ATP5F1A: variants seen among roughly 807,000 people sequenced by gnomAD.
ATP5F1A encodes the protein ATP synthase F(1) complex subunit alpha, mitochondrial.
Under a neutral mutation model 57.4 loss-of-function variants are expected in ATP5F1A, and 24 were observed. That is an observed-to-expected ratio of 0.42 (90% confidence interval 0.30 to 0.59). ATP5F1A has a LOEUF of 0.59. ATP5F1A is among the 20% of genes least tolerant of loss of function. The pLI is 0.19. For synonymous variants in ATP5F1A, 251 were observed against 255.5 expected (o/e 0.98, Z 0.17); for missense variants, 494 against 707.9 (o/e 0.70, Z 3.43).
intron 2 of ATP5F1A, among the ~76,000 whole-genome samples, chr18:46,093,879 G>A (rs192574190): frequency 1.3e-4 from 20 of 152,090 alleles, no homozygotes; most frequent in Admixed American, 1.3e-3. Flanking sequence ...GGCCAAGGCA[G>A]GTGGATCACC....
chr18:46,086,329 T>C (rs1910094210), intron 9 of ATP5F1A, 58 bp downstream of exon 9: 1 of 812,600 alleles, frequency 1.2e-6, no homozygotes, highest in African/African-American at 1.5e-5. Flanking sequence ...AATATATTAA[T>C]ACCTTAAGAT....
At chr18:46,094,164 TA>T (rs1483873969) in intron 2 of ATP5F1A, among the ~76,000 whole-genome samples, 2 of 149,140 alleles carry the variant, frequency 1.3e-5, no homozygotes, top group African/African-American at 4.9e-5. Context: ...TGTGTACACA[TA>T]CACACACACA....
In ATP5F1A at chr18:46,087,002, T is replaced by G. The variant is rs1307880686; in HGVS notation, c.1176+6A>C. 2 of 1,613,350 alleles carry G rather than the reference T, an allele frequency of 1.2e-6. No individual in the cohort carries two copies. Among genetic ancestry groups the G allele is most frequent in the Non-Finnish European group, 1.7e-6 (2 of 1,179,334 alleles). On this transcript the variant is annotated splice_donor_region_variant and intron_variant, in intron 8 of 11. Coordinates refer to ENST00000398752, the MANE Select transcript of ATP5F1A (RefSeq NM_004046.6). ...TTAACATTTCTTTTAATCATTAAAATAATACCTGTCCGTCAGTGATGGAAA... is the reference window on the plus strand; with the variant it reads ...TTAACATTTCTTTTAATCATTAAAAGAATACCTGTCCGTCAGTGATGGAAA...
In ATP5F1A at chr18:46,084,652, G is replaced by A. The variant is rs1486563878; in HGVS notation, c.1432C>T (p.Pro478Ser). Residue 478 changes from proline to serine, a missense_variant and splice_region_variant, in exon 11 of 12, where the codon CCC becomes TCC. Pro to Ser is a moderately conservative substitution (Grantham distance 74, BLOSUM62 -1). Around this residue, in one of 6 missense-constraint regions of ATP5F1A, gnomAD observed 127 missense variants for 195.2 expected, o/e 0.65. Coordinates refer to ENST00000398752, the MANE Select transcript of ATP5F1A (RefSeq NM_004046.6). The stretch of plus-strand genomic sequence containing the variant: ...GCCACTTGTTCTTCAATAGCCATGG[G>A]AGCTGAAAAGATACAAGAAGAATGC... ...TELLKQGQYS[P>S]MAIEEQVAVI... The A allele has an allele frequency of 4.5e-6, 7 of 1,566,554 alleles. No individual in the cohort carries two copies. Among genetic ancestry groups the A allele is most frequent in the Non-Finnish European group, 6.0e-6 (7 of 1,162,716 alleles).
At position 46,081,998 on chromosome 18, in the gene ATP5F1A, CAAGG is replaced by C. The variant is rs1909778691; in HGVS notation, c.*2280_*2283del. On this transcript the variant is annotated 3_prime_UTR_variant, in exon 12 of 12. Coordinates refer to ENST00000398752, the MANE Select transcript of ATP5F1A (RefSeq NM_004046.6). ...AATCCCCATCAACAAAATAAAATGG[CAAGG>C]AAGGGGGAACCCTAGGAAAAATATT... 1 of 148,034 alleles carries C rather than the reference CAAGG, an allele frequency of 6.8e-6. No homozygotes were observed. The highest frequency in any genetic ancestry group is 2.1e-4 in the South Asian group (1 of 4,734). 9.2% of individuals were successfully genotyped at this position (148,034 alleles called of 1,614,324 possible).
Position 46,084,622 on chromosome 18 carries a change from T to C in ATP5F1A, c.1462A>G (p.Ile488Val). The C allele has an allele frequency of 1.3e-6, 2 of 1,595,778 alleles. No individual in the cohort carries two copies. Among genetic ancestry groups the C allele is most frequent in the East Asian group, 2.2e-5 (1 of 44,506 alleles). ...PMAIEEQVAV[I>V]YAGVRGYLDK... Reference sequence around the variant, plus strand: ...AGATATCCCCTTACACCCGCATAGATAACAGCCACTTGTTCTTCAATAGCC... The same window carrying C: ...AGATATCCCCTTACACCCGCATAGACAACAGCCACTTGTTCTTCAATAGCC... Residue 488 changes from isoleucine to valine, a missense_variant, in exon 11 of 12, where the codon ATC becomes GTC. Coordinates refer to ENST00000398752, the MANE Select transcript of ATP5F1A (RefSeq NM_004046.6).
upstream of ATP5F1A, chr18:46,098,327 G>A: frequency 7.0e-7 from 1 of 1,437,372 alleles, no homozygotes; most frequent in Non-Finnish European, 9.2e-7. Flanking sequence ...AAGACAGCCG[G>A]CCCACCTGAC....
chr18:46,086,565 T>G (rs1910115294), intron 8 of ATP5F1A, 71 bp from the exon 9 acceptor site: 19 of 1,433,624 alleles, frequency 1.3e-5, no homozygotes, highest in Admixed American at 2.1e-5. Flanking sequence ...ATTTAAGTCA[T>G]TATGCCAAAA....
chr18:46,092,064 G>A (rs994134595), intron 2 of ATP5F1A: 5 of 291,026 alleles, frequency 1.7e-5, no homozygotes, highest in African/African-American at 4.4e-5. Context: ...CCAGCTACTC[G>A]GGAGGCGGAG....
intron 5 of ATP5F1A, among the ~76,000 whole-genome samples, chr18:46,089,072 CT>C (rs1910344920): frequency 6.6e-6 from 1 of 151,948 alleles, no homozygotes; most frequent in Non-Finnish European, 1.5e-5. Context: ...ACCATTAACC[CT>C]ACAGTCCTGC....
Position 46,095,126 on chromosome 18 carries a change from G to A in ATP5F1A, c.66C>T (p.Ser22=). The A allele has an allele frequency of 6.2e-7, 1 of 1,613,120 alleles. No homozygotes were observed. Among genetic ancestry groups the A allele is most frequent in the Non-Finnish European group, 8.5e-7 (1 of 1,179,712 alleles). The change falls in exon 2 of 12, where the codon TCC becomes TCT. Residue 22 remains serine, a synonymous_variant. Transcript: ENST00000398752. ...RALPRRAGLV[S]RNALGSSFIA... ...TGAAAGATGAACCCAAAGCATTTCTGGAGACCTAGTGCAAAAGTATTCTTA... is the reference window on the plus strand; with the variant it reads ...TGAAAGATGAACCCAAAGCATTTCTAGAGACCTAGTGCAAAAGTATTCTTA...
At chr18:46,086,033 T>C (rs1319099107) in intron 10 of ATP5F1A, 80 bp downstream of exon 10, 1 of 1,469,330 alleles carries the variant, frequency 6.8e-7, no homozygotes, top group African/African-American at 1.4e-5. Context: ...CAGGCCGTGA[T>C]ATGTGATGCA....
At position 46,086,689 on chromosome 18, in the gene ATP5F1A, A is replaced by G. The variant is rs1910123402; in HGVS notation, c.1177-195T>C. 6.6e-6 allele frequency: 4 copies of G among 607,944 alleles called. No homozygotes were observed. The Admixed American group carries it at 9.3e-5, about 14-fold the overall frequency. The allele number at this position is 607,944 out of a possible 1,614,324, so 37.7% of individuals were successfully genotyped here. On this transcript the variant is annotated intron_variant, in intron 8 of 11. Coordinates refer to ENST00000398752, the MANE Select transcript of ATP5F1A (RefSeq NM_004046.6). The stretch of plus-strand genomic sequence containing the variant: ...GATGTGCATGAGATGAGAAAAAAAC[A>G]TAATAGGCAACATATTTATACTGAA...
At chr18:46,096,671 AAACAACAAC>A (rs899117699) in intron 1 of ATP5F1A, among the ~76,000 whole-genome samples, 5 of 125,580 alleles carry the variant, frequency 4.0e-5, no homozygotes, top group Non-Finnish European at 9.0e-5. Flanking sequence ...TTTTACTTAA[AAACAACAAC>A]AACAACAACG....
chr18:46,099,884 C>T (rs372632054), upstream of ATP5F1A, among the ~76,000 whole-genome samples: 14 of 152,320 alleles, frequency 9.2e-5, no homozygotes, highest in East Asian at 5.8e-4. Context: ...ATCCTTTTCT[C>T]TAGTATCCTA....
chr18:46,084,674 A>G lies in ATP5F1A; in HGVS notation c.1430-20T>C. ...TGGGAGCTGAAAAGATACAAGAAGA[A>G]TGCCAAGTGAGTTGCTCAAAGAAAT... On this transcript the variant is annotated intron_variant, in intron 10 of 11. Transcript: ENST00000398752. The G allele has an allele frequency of 6.5e-7, 1 of 1,533,742 alleles. No individual in the cohort carries two copies.
upstream of ATP5F1A, among the ~76,000 whole-genome samples, chr18:46,100,843 CGGGT>C (rs2050942707): frequency 6.6e-6 from 1 of 152,036 alleles, no homozygotes; most frequent in South Asian, 2.1e-4. Context: ...GAGGCCGAGG[CGGGT>C]GGATCACCTG....
intron 2 of ATP5F1A, 25 bp from the exon 3 acceptor site, chr18:46,091,876 T>TA (rs1479101698): frequency 1.3e-6 from 2 of 1,594,172 alleles, no homozygotes; most frequent in Non-Finnish European, 1.7e-6. Flanking sequence ...TCAATTCAAT[T>TA]AAAAAAATAA....
chr18:46,082,072 A>G lies in ATP5F1A; in HGVS notation c.*2210T>C, dbSNP rs888608561. Reference sequence around the variant, plus strand: ...GACCCTTACAGACAAAAGCCTTTATATATCAGTAAAAAAAAAAAAAAAAAA... The same window carrying G: ...GACCCTTACAGACAAAAGCCTTTATGTATCAGTAAAAAAAAAAAAAAAAAA... On this transcript the variant is annotated 3_prime_UTR_variant, in exon 12 of 12. Coordinates refer to ENST00000398752, the MANE Select transcript of ATP5F1A (RefSeq NM_004046.6). The G allele has an allele frequency of 4.9e-5, 6 of 123,018 alleles. No homozygotes were observed. The highest frequency in any genetic ancestry group is 2.2e-4 in the East Asian group (1 of 4,558). 7.6% of individuals were successfully genotyped at this position (123,018 alleles called of 1,614,324 possible).
Sources: gnomAD v4.1 joint callset for allele counts (sites outside exome capture counted in the v4.1 genomes callset) on GRCh38, gnomAD v4.1.1 for gene constraint, gnomAD v4.1.1 regional missense constraint, MANE v1.5 for transcripts, NCBI Gene and HGNC (gene_info 2026-07-23, HGNC 2026-07-21) for gene names.